The following LRRC4C variants were observed in gnomAD, a reference collection of about 807,000 sequenced individuals.
The protein encoded by LRRC4C is leucine rich repeat containing 4C.
In LRRC4C, 5 loss-of-function variants were observed where a neutral mutation model predicts 33.6. That is an observed-to-expected ratio of 0.15 (90% CI 0.08 to 0.31). The LOEUF is 0.31. Among genes scored for constraint, LRRC4C ranks in the 10% least tolerant of loss-of-function variants. LRRC4C has a pLI of 1.00. For synonymous variants in LRRC4C, 329 were observed against 302.0 expected, an observed-to-expected ratio of 1.09 and a Z score of -0.93; for missense variants, 560 against 796.7, an observed-to-expected ratio of 0.70 and a Z score of 3.58.
At chr11:40,957,276 C>G (rs1379731462) in intron 1 of LRRC4C, among the ~76,000 whole-genome samples, 1 of 151,648 alleles carries the variant, frequency 6.6e-6, no homozygotes, top group African/African-American at 2.4e-5. Context: ...AGTCGCTTAG[C>G]AATTGTAGGT....
intron 4 of LRRC4C, among the ~76,000 whole-genome samples, chr11:40,243,221 T>C (rs1463017501): frequency 6.6e-6 from 1 of 152,174 alleles, no homozygotes; most frequent in East Asian, 1.9e-4. Flanking sequence ...AAAAGGTAAA[T>C]TTCTACACTA....
chr11:40,230,508 T>A (rs547298123), intron 5 of LRRC4C, among the ~76,000 whole-genome samples: 36 of 152,290 alleles, frequency 2.4e-4, no homozygotes, highest in African/African-American at 8.4e-4. Context: ...TGATCAGAAC[T>A]CCCAGACTTC....
intron 5 of LRRC4C, among the ~76,000 whole-genome samples, chr11:40,181,210 T>C (rs1590636266): frequency 6.6e-6 from 1 of 152,240 alleles, no homozygotes; most frequent in East Asian, 1.9e-4. Flanking sequence ...CCTCCATCTC[T>C]CCATGTCTCC....
At chr11:40,236,952 G>T (rs1221238278) in intron 5 of LRRC4C, among the ~76,000 whole-genome samples, 1 of 152,146 alleles carries the variant, frequency 6.6e-6, no homozygotes, top group Non-Finnish European at 1.5e-5. Flanking sequence ...AATGTGCAGA[G>T]CTGAGAACAC....
chr11:41,249,966 C>A (rs1370391740), intron 1 of LRRC4C, among the ~76,000 whole-genome samples: 2 of 151,612 alleles, frequency 1.3e-5, no homozygotes, highest in Non-Finnish European at 2.9e-5. Context: ...GAGTTCGAGA[C>A]CAACCTGGCC....
intron 1 of LRRC4C, among the ~76,000 whole-genome samples, chr11:40,998,322 G>A (rs1418552933): frequency 6.6e-6 from 1 of 151,438 alleles, no homozygotes; most frequent in East Asian, 1.9e-4. Context: ...ATGTGACATT[G>A]GTGAAATATC....
chr11:41,051,520 CAAAAAAAAAAAAAAAAAAAAAAAA>C (rs530003573), intron 1 of LRRC4C, among the ~76,000 whole-genome samples: 2 of 60,290 alleles, frequency 3.3e-5, no homozygotes, highest in Non-Finnish European at 5.7e-5. Flanking sequence ...GGTCTCAAGG[CAAAAAAAAAAAAAAAAAAAAAAAA>C]AAAAAAAAAG....
At chr11:40,406,415 T>C (rs1949966471) in intron 3 of LRRC4C, among the ~76,000 whole-genome samples, 1 of 152,148 alleles carries the variant, frequency 6.6e-6, no homozygotes, top group African/African-American at 2.4e-5. Flanking sequence ...TGGTTGTCTC[T>C]TTAGCTAAAT....
chr11:40,707,775 A>G (rs892921851), intron 2 of LRRC4C, among the ~76,000 whole-genome samples: 7 of 152,198 alleles, frequency 4.6e-5, no homozygotes, highest in African/African-American at 1.7e-4. Flanking sequence ...GAATAGTTTC[A>G]GAAGGAATGG....
intron 1 of LRRC4C, among the ~76,000 whole-genome samples, chr11:41,232,747 G>GACACAC (rs34632647): frequency 0.023 from 3,319 of 143,610 alleles, 58 homozygotes; most frequent in Non-Finnish European, 0.037. Flanking sequence ...GTGTTATCAA[G>GACACAC]ACACACACAC....
chr11:40,996,205 A>G (rs757352626), intron 1 of LRRC4C, among the ~76,000 whole-genome samples: 1 of 152,182 alleles, frequency 6.6e-6, no homozygotes, highest in Non-Finnish European at 1.5e-5. Flanking sequence ...CATTAGGCAG[A>G]TAAGAGAGGA....
intron 3 of LRRC4C, among the ~76,000 whole-genome samples, chr11:40,633,428 G>GCACACTGTA (rs1565581426): frequency 9.5e-6 from 1 of 105,474 alleles, no homozygotes; most frequent in African/African-American, 3.3e-5. Context: ...TCACTCTATC[G>GCACACTGTA]CCCAGGTTGG....
chr11:41,305,045 T>TG (rs555211844), intron 1 of LRRC4C, among the ~76,000 whole-genome samples: 157 of 2,090 alleles, frequency 0.075, 37 homozygotes, highest in East Asian at 0.16. Context: ...GGGAGGGAGG[T>TG]GGGGGGGGGG....
chr11:40,594,203 G>T (rs890737745), intron 3 of LRRC4C, among the ~76,000 whole-genome samples: 3 of 152,168 alleles, frequency 2.0e-5, no homozygotes, highest in Non-Finnish European at 2.9e-5. Flanking sequence ...CTCTTTAATT[G>T]CTGGGAAAGC....
intron 4 of LRRC4C, among the ~76,000 whole-genome samples, chr11:40,244,481 C>A (rs1332220919): frequency 2.0e-5 from 3 of 152,308 alleles, no homozygotes; most frequent in African/African-American, 7.2e-5. Context: ...CCTGGATAGA[C>A]TTTCGCCACA....
chr11:40,629,019 CA>C, intron 3 of LRRC4C, among the ~76,000 whole-genome samples: 2 of 151,726 alleles, frequency 1.3e-5, no homozygotes, highest in African/African-American at 4.8e-5. Context: ...AAAATATAAA[CA>C]AAAAAACAAA....
At chr11:40,738,413 C>G (rs903113449) in intron 2 of LRRC4C, among the ~76,000 whole-genome samples, 26 of 152,180 alleles carry the variant, frequency 1.7e-4, no homozygotes, top group South Asian at 6.2e-4. Flanking sequence ...CTATCTCTTT[C>G]TATGTACTAT....
intron 3 of LRRC4C, among the ~76,000 whole-genome samples, chr11:40,587,918 G>T (rs1206253082): frequency 2.0e-5 from 3 of 152,196 alleles, no homozygotes; most frequent in Non-Finnish European, 4.4e-5. Context: ...GTTCCTCAGG[G>T]ATATTGGTCT....
At chr11:41,351,271 A>G (rs1026500205) in intron 1 of LRRC4C, among the ~76,000 whole-genome samples, 44 of 151,196 alleles carry the variant, frequency 2.9e-4, no homozygotes, top group African/African-American at 1.0e-3. Flanking sequence ...ACACACACAC[A>G]TACATTTTCC....
Sources: allele counts gnomAD v4.1 joint callset (sites outside exome capture counted in the v4.1 genomes callset), GRCh38; gene constraint gnomAD v4.1.1; transcripts MANE v1.5; gene names NCBI Gene and HGNC (gene_info 2026-07-23, HGNC 2026-07-21).